The following ZNF664 variants were observed in gnomAD, a reference collection of about 807,000 sequenced individuals.
ZNF664 encodes zinc finger Organ of Corti 1.
Under a neutral mutation model 18.2 loss-of-function variants are expected in ZNF664, and 10 were observed. That is an observed-to-expected ratio of 0.55 (90% CI 0.34 to 0.93). The LOEUF is 0.93. Among genes scored for constraint, ZNF664 ranks in the 40% least tolerant of loss-of-function variants. The pLI, the probability that ZNF664 is intolerant of heterozygous loss-of-function variation, is 0.02. For missense variants in ZNF664, 193 were observed against 319.0 expected (o/e 0.61, Z 3.01); for synonymous variants, 119 against 104.2 (o/e 1.14, Z -0.86).
chr12:124,014,475 C>T lies in ZNF664; in HGVS notation c.*1545C>T, dbSNP rs1957169691. 1 of 167,060 alleles carries T rather than the reference C, an allele frequency of 6.0e-6. No homozygotes were observed. 10.3% of individuals were successfully genotyped at this position (167,060 alleles called of 1,614,324 possible). On this transcript the variant is annotated 3_prime_UTR_variant, in exon 5 of 5. Transcript: ENST00000337815. ...AGGAACTCAAGGAATGTTTAGAAGACCAAAAGTCCCCAATGACAGGAACAA... is the reference window on the plus strand; with the variant it reads ...AGGAACTCAAGGAATGTTTAGAAGATCAAAAGTCCCCAATGACAGGAACAA...
intron 3 of ZNF664, among the ~76,000 whole-genome samples, 196 bp downstream of exon 3, chr12:123,988,334 TTACTC>T (rs1325142857): frequency 6.6e-6 from 1 of 152,236 alleles, no homozygotes; most frequent in South Asian, 2.1e-4. Flanking sequence ...ACCACCTTCC[TTACTC>T]TAAAGATGTC....
chr12:124,012,524 G>A lies in ZNF664; in HGVS notation c.380G>A (p.Ser127Asn), dbSNP rs1957145298. ...CSECGRGFSNSSNLCMHQRVH... is the reference protein window; with the variant it reads ...CSECGRGFSNNSNLCMHQRVH... ...GAGTGTGGAAGGGGCTTTAGTAATA[G>A]TTCAAACCTTTGCATGCATCAGAGA... Residue 127 changes from serine (S) to asparagine (N), a missense_variant, in exon 5 of 5, where the codon AGT becomes AAT. Ser to Asn is a conservative substitution (Grantham distance 46). This residue lies in a region of ZNF664 where 61 missense variants were observed against 153.7 expected (regional missense o/e 0.40). Transcript: ENST00000337815. The A allele has an allele frequency of 6.2e-7, 1 of 1,614,096 alleles. No homozygotes were observed. The highest frequency in any genetic ancestry group is 1.3e-5 in the African/African-American group (1 of 74,938).
chr12:123,973,247 A>AGCGC lies in ZNF664; in HGVS notation c.-985_-982dup, dbSNP rs955247929. Reference sequence around the variant, plus strand: ...CCCCCGGAGGCGTCTGGGTGTGCGGAGCGCGCGCGCGCGCGGCTCGGAGGC... The same window carrying AGCGC: ...CCCCCGGAGGCGTCTGGGTGTGCGGAGCGCGCGCGCGCGCGCGCGGCTCGGAGGC... On this transcript the variant is annotated 5_prime_UTR_variant, in exon 1 of 5. Transcript: ENST00000337815. 24 of 985,428 alleles carry AGCGC rather than the reference A, an allele frequency of 2.4e-5. No homozygotes were observed. The highest frequency in any genetic ancestry group is 1.2e-4 in the East Asian group (1 of 8,350). 61.0% of individuals were successfully genotyped at this position (985,428 alleles called of 1,614,324 possible).
At chr12:123,994,464 A>G (rs1312551345) in intron 3 of ZNF664, among the ~76,000 whole-genome samples, 1 of 152,230 alleles carries the variant, frequency 6.6e-6, no homozygotes, top group Non-Finnish European at 1.5e-5. Flanking sequence ...TTTCTGAAAC[A>G]AAACATTTAG....
intron 3 of ZNF664, among the ~76,000 whole-genome samples, chr12:124,010,985 G>C (rs1055273480): frequency 6.6e-6 from 1 of 152,218 alleles, no homozygotes; most frequent in Non-Finnish European, 1.5e-5. Context: ...GTGAGGTGGG[G>C]AGAGGGGCAG....
At chr12:123,974,237 C>T in intron 2 of ZNF664, 1 of 395,014 alleles carries the variant, frequency 2.5e-6, no homozygotes, top group Non-Finnish European at 4.4e-6. Context: ...CCTTTCTTGC[C>T]GAACTCTAAC....
intron 2 of ZNF664, among the ~76,000 whole-genome samples, chr12:123,977,776 A>G (rs2138316841): frequency 6.6e-6 from 1 of 152,360 alleles, no homozygotes; most frequent in Non-Finnish European, 1.5e-5. Context: ...TTCTGGCTGT[A>G]AAATATCCAT....
intron 3 of ZNF664, among the ~76,000 whole-genome samples, chr12:124,007,293 A>T (rs1957083867): frequency 6.6e-6 from 1 of 152,140 alleles, no homozygotes; most frequent in Non-Finnish European, 1.5e-5. Flanking sequence ...CCTGTCAGGG[A>T]CCTTGGTATT....
intron 3 of ZNF664, among the ~76,000 whole-genome samples, chr12:123,996,304 A>T (rs1956947744): frequency 6.6e-6 from 1 of 152,192 alleles, no homozygotes; most frequent in African/African-American, 2.4e-5. Context: ...CTTGAATTAC[A>T]AAGTTTCTGC....
chr12:123,988,383 G>A (rs540485563), intron 3 of ZNF664, among the ~76,000 whole-genome samples: 4 of 152,116 alleles, frequency 2.6e-5, no homozygotes, highest in African/African-American at 9.6e-5. Flanking sequence ...TTTGTTCCCT[G>A]GGATCTTCAT....
Position 124,012,259 on chromosome 12 carries a change from G to T in ZNF664, c.115G>T (p.Gly39Cys). The T allele has an allele frequency of 4.3e-6, 7 of 1,614,150 alleles. No homozygotes were observed. Among genetic ancestry groups the T allele is most frequent in the Non-Finnish European group, 5.9e-6 (7 of 1,180,040 alleles). Reference sequence around the variant, plus strand: ...CCATAAATGTGACAAGTGTGATAAGGGTTTCTTTCATATATCAGAACTTCA... The same window carrying T: ...CCATAAATGTGACAAGTGTGATAAGTGTTTCTTTCATATATCAGAACTTCA... ...KPHKCDKCDK[G>C]FFHISELHIH... Residue 39 changes from glycine (G) to cysteine (C), a missense_variant, in exon 5 of 5, where the codon GGT (glycine) becomes TGT (cysteine). Gly to Cys is a radical substitution (Grantham distance 159). This residue lies in a region of ZNF664 where 90 missense variants were observed against 118.9 expected (regional missense o/e 0.76). Coordinates refer to ENST00000337815, the MANE Select transcript of ZNF664 (RefSeq NM_152437.3).
At chr12:123,991,504 G>A (rs1273935849) in intron 3 of ZNF664, among the ~76,000 whole-genome samples, 1 of 152,186 alleles carries the variant, frequency 6.6e-6, no homozygotes, top group Non-Finnish European at 1.5e-5. Context: ...CTTGGCAAAT[G>A]AATGAATGTG....
At chr12:123,974,976 G>A (rs1442771611) in intron 2 of ZNF664, among the ~76,000 whole-genome samples, 1 of 152,220 alleles carries the variant, frequency 6.6e-6, no homozygotes, top group Non-Finnish European at 1.5e-5. Context: ...TTATGATGAA[G>A]TTCTCTTTTG....
chr12:124,007,261 G>GT (rs1957083435), intron 3 of ZNF664, among the ~76,000 whole-genome samples: 1 of 152,216 alleles, frequency 6.6e-6, no homozygotes, highest in Non-Finnish European at 1.5e-5. Context: ...AAGAACTCTA[G>GT]TGGGAGGTCA....
chr12:124,004,465 C>G (rs1300001600), intron 3 of ZNF664, among the ~76,000 whole-genome samples: 1 of 152,216 alleles, frequency 6.6e-6, no homozygotes, highest in South Asian at 2.1e-4. Context: ...TCTGGACTTG[C>G]ATAGGTTGGT....
chr12:123,987,877 C>T (rs927791857), intron 2 of ZNF664, 166 bp from the exon 3 acceptor site: 4 of 841,176 alleles, frequency 4.8e-6, no homozygotes, highest in Non-Finnish European at 5.7e-6. Context: ...TTTGGACCTC[C>T]ATGCCTTGAA....
At chr12:123,999,996 G>A (rs1238254443) in intron 3 of ZNF664, among the ~76,000 whole-genome samples, 1 of 152,240 alleles carries the variant, frequency 6.6e-6, no homozygotes, top group Admixed American at 6.5e-5. Context: ...AGCATGTGAA[G>A]GTAGAGATTT....
chr12:123,996,131 A>C (rs1459404445), intron 3 of ZNF664, among the ~76,000 whole-genome samples: 1 of 152,210 alleles, frequency 6.6e-6, no homozygotes, highest in Non-Finnish European at 1.5e-5. Context: ...TACATTGAAG[A>C]AAGAAAGTAT....
intron 3 of ZNF664, among the ~76,000 whole-genome samples, chr12:124,010,753 A>G (rs1957126435): frequency 6.6e-6 from 1 of 152,232 alleles, no homozygotes; most frequent in African/African-American, 2.4e-5. Flanking sequence ...TACGATAATT[A>G]CAAGTCCTGT....
Sources: gnomAD v4.1 joint callset for allele counts (sites outside exome capture counted in the v4.1 genomes callset) on GRCh38, gnomAD v4.1.1 for gene constraint, gnomAD v4.1.1 regional missense constraint, MANE v1.5 for transcripts, NCBI Gene and HGNC (gene_info 2026-07-23, HGNC 2026-07-21) for gene names.